SORCS3: variants seen among roughly 807,000 people sequenced by gnomAD.
SORCS3 encodes the protein VPS10 domain-containing receptor SorCS3.
Under a neutral mutation model 146.3 loss-of-function variants are expected in SORCS3, and 57 were observed. The observed-to-expected ratio is 0.39, with a 90% CI of 0.31 to 0.49. The LOEUF (loss-of-function observed/expected upper bound fraction) is 0.49. SORCS3 is among the 20% of genes least tolerant of loss of function. The pLI, the probability that SORCS3 is intolerant of heterozygous loss-of-function variation, is 0.92. For synonymous variants in SORCS3, 653 were observed against 618.5 expected (o/e 1.06, Z -0.83); for missense variants, 1,341 against 1,575.5 (o/e 0.85, Z 2.52).
intron 3 of SORCS3, among the ~76,000 whole-genome samples, chr10:104,976,303 T>A (rs1490412425): frequency 6.6e-6 from 1 of 151,954 alleles, no homozygotes; most frequent in Non-Finnish European, 1.5e-5. Flanking sequence ...AAAAAACACA[T>A]GAAAAAATGC....
At chr10:105,113,393 A>G (rs1207733864) in intron 7 of SORCS3, among the ~76,000 whole-genome samples, 3 of 152,204 alleles carry the variant, frequency 2.0e-5, no homozygotes, top group Non-Finnish European at 4.4e-5. Context: ...TTAAATAATG[A>G]AAAACCTTGG....
intron 3 of SORCS3, among the ~76,000 whole-genome samples, chr10:104,962,681 A>T (rs1261138442): frequency 6.6e-6 from 1 of 152,204 alleles, no homozygotes; most frequent in African/African-American, 2.4e-5. Flanking sequence ...AGCATGTTTT[A>T]TCAAGAAGGT....
intron 2 of SORCS3, among the ~76,000 whole-genome samples, chr10:104,891,540 T>A (rs1158691856): frequency 6.6e-6 from 1 of 152,166 alleles, no homozygotes; most frequent in African/African-American, 2.4e-5. Flanking sequence ...CATGCAGGGT[T>A]AAGGGGCAAT....
In SORCS3 at chr10:104,731,875, C is replaced by G. The variant is rs545680275; in HGVS notation, c.627+89921C>G. 4.6e-5 allele frequency among the ~76,000 whole-genome samples: 7 copies of G among 152,320 alleles called. No homozygotes were observed. The East Asian group carries it at 1.3e-3, about 29-fold the overall frequency. On this transcript the variant is annotated intron_variant, in intron 1 of 26. Transcript: ENST00000369701. Reference sequence around the variant, plus strand: ...GCCCTTCATTCATCTCTGGTTGTTTCATGGTGGTGACATTGATCCCACCTT... The same window carrying G: ...GCCCTTCATTCATCTCTGGTTGTTTGATGGTGGTGACATTGATCCCACCTT...
intron 1 of SORCS3, among the ~76,000 whole-genome samples, chr10:104,792,642 A>G (rs1249115648): frequency 6.6e-6 from 1 of 152,214 alleles, no homozygotes; most frequent in Middle Eastern, 3.2e-3. Flanking sequence ...TATTCTTGGT[A>G]TCAAGGTGGC....
intron 7 of SORCS3, among the ~76,000 whole-genome samples, chr10:105,134,993 G>A (rs1302631029): frequency 6.6e-6 from 1 of 151,556 alleles, no homozygotes; most frequent in Non-Finnish European, 1.5e-5. Flanking sequence ...TGGTGGGAGA[G>A]GTATGGGACA....
chr10:104,957,899 C>T (rs896149799), intron 3 of SORCS3, among the ~76,000 whole-genome samples: 1 of 152,180 alleles, frequency 6.6e-6, no homozygotes, highest in Non-Finnish European at 1.5e-5. Context: ...ACAACCAAAA[C>T]ACCCTAAAAA....
At chr10:104,913,515 T>G (rs566326688) in intron 2 of SORCS3, among the ~76,000 whole-genome samples, 2 of 152,320 alleles carry the variant, frequency 1.3e-5, no homozygotes, top group East Asian at 3.9e-4. Context: ...CATGACCATG[T>G]GGAGCCAGTA....
In SORCS3 at chr10:105,085,153, C is replaced by T. The variant is rs74157416; in HGVS notation, c.1029-4622C>T. ...AGAGTGTTACTGCATCTGGTAGAGG[C>T]CAGGGATGCTGCTGAATATTCTGGA... is the stretch of plus-strand genomic sequence containing the variant. On this transcript the variant is annotated intron_variant, in intron 5 of 26. Coordinates refer to ENST00000369701, the MANE Select transcript of SORCS3 (RefSeq NM_014978.3). Among the ~76,000 whole-genome samples, 918 of 152,308 alleles carry T rather than the reference C, an allele frequency of 6.0e-3. 10 individuals are homozygous for T. Among genetic ancestry groups the T allele is most frequent in the African/African-American group, 0.021 (853 of 41,556 alleles).
chr10:105,223,172 G>C lies in SORCS3; in HGVS notation c.2791G>C (p.Val931Leu). The change falls in exon 20 of 27, where the codon GTC becomes CTC. Residue 931 changes from valine to leucine, a missense_variant. Val to Leu is a conservative substitution (Grantham distance 32, BLOSUM62 1). Transcript: ENST00000369701. ...ATTTGTTGCCATAAGAAATAAGGAG[G>C]TCAACATCAGTGCAGTCGTGTGGCC... ...VPFVAIRNKEVNISAVVWPSQ... is the reference protein window; with the variant it reads ...VPFVAIRNKELNISAVVWPSQ... The C allele has an allele frequency of 6.2e-7, 1 of 1,613,128 alleles. No individual in the cohort carries two copies.
At chr10:105,024,010 G>T (rs184422471) in intron 4 of SORCS3, among the ~76,000 whole-genome samples, 7 of 152,264 alleles carry the variant, frequency 4.6e-5, no homozygotes, top group Middle Eastern at 3.4e-3. Flanking sequence ...GGAAGGCACT[G>T]GCCCAAGGAG....
chr10:105,254,997 G>T (rs1225456926), intron 23 of SORCS3, among the ~76,000 whole-genome samples: 2 of 150,452 alleles, frequency 1.3e-5, no homozygotes, highest in African/African-American at 4.9e-5. Context: ...GACCATCCTG[G>T]CTAACACGGT....
At chr10:105,087,673 T>C (rs1452271) in intron 5 of SORCS3, among the ~76,000 whole-genome samples, 7,471 of 152,216 alleles carry the variant, frequency 0.049, 596 homozygotes, top group African/African-American at 0.17. Flanking sequence ...TCACCTAATA[T>C]GTACTACACA....
At chr10:104,691,688 A>G (rs2016114042) in intron 1 of SORCS3, among the ~76,000 whole-genome samples, 1 of 152,188 alleles carries the variant, frequency 6.6e-6, no homozygotes. Flanking sequence ...GTAATTGTTT[A>G]TATGTCCATT....
intron 1 of SORCS3, among the ~76,000 whole-genome samples, chr10:104,837,856 C>G (rs2018088731): frequency 6.6e-6 from 1 of 152,136 alleles, no homozygotes; most frequent in Non-Finnish European, 1.5e-5. Context: ...TGCACGGAAG[C>G]CCACATAAAC....
At chr10:105,050,209 G>A (rs1409028050) in intron 5 of SORCS3, among the ~76,000 whole-genome samples, 5 of 152,046 alleles carry the variant, frequency 3.3e-5, no homozygotes, top group Non-Finnish European at 7.4e-5. Context: ...GGGCTCCACT[G>A]ATCTCTGCCT....
At position 104,641,939 on chromosome 10, in the gene SORCS3, G is replaced by C; in HGVS notation, c.612G>C (p.Ser204=). ...SAHNQAMVHW[S]GHNSSVILIL... is the part of the protein sequence containing the mutation. ...ACAACCAAGCCATGGTGCACTGGTC[G>C]GGACACAACAGCAGCGTGAGTACCC... The change falls in exon 1 of 27, where the codon TCG becomes TCC. Residue 204 remains serine (S), a synonymous_variant. Transcript: ENST00000369701. The surrounding 1 kb of genome is among the most constrained non-coding windows in gnomAD (Gnocchi z 6.4). 1 of 1,366,236 alleles carries C rather than the reference G, an allele frequency of 7.3e-7. No individual in the cohort carries two copies. 84.6% of individuals were successfully genotyped at this position (1,366,236 alleles called of 1,614,324 possible). A position where few individuals can be genotyped will look rare whatever the true frequency, so the allele number is the denominator to read the frequency against.
In SORCS3 at chr10:104,659,013, T is replaced by A. The variant is rs1327587826; in HGVS notation, c.627+17059T>A. 3.9e-5 allele frequency among the ~76,000 whole-genome samples: 6 copies of A among 152,150 alleles called. No individual in the cohort carries two copies. The East Asian group carries it at 7.7e-4, about 20-fold the overall frequency. On this transcript the variant is annotated intron_variant, in intron 1 of 26. Transcript: ENST00000369701. ...TGTTTAATAGTTGCAAGGATCAAAA[T>A]GAAATCATGTATTTGAAAGGGCATT...
chr10:104,811,231 A>C (rs2017737308), intron 1 of SORCS3, among the ~76,000 whole-genome samples: 2 of 152,180 alleles, frequency 1.3e-5, no homozygotes, highest in Non-Finnish European at 2.9e-5. Context: ...AAGATGAAAA[A>C]CCTGAGTGCC....
Sources: gnomAD v4.1 joint callset for allele counts (sites outside exome capture counted in the v4.1 genomes callset) on GRCh38, gnomAD v4.1.1 for gene constraint, Gnocchi (gnomAD v3.1) non-coding constraint, MANE v1.5 for transcripts, NCBI Gene and HGNC (gene_info 2026-07-23, HGNC 2026-07-21) for gene names.